Variants in CDH4 observed in about 807,000 individuals in gnomAD.
CDH4 encodes cadherin 4, also known as cadherin-4.
Under a neutral mutation model 86.0 loss-of-function variants are expected in CDH4, and 33 were observed. That is an observed-to-expected ratio of 0.38 (90% confidence interval 0.29 to 0.51). The LOEUF (loss-of-function observed/expected upper bound fraction) is 0.51, where lower values mean the gene tolerates loss of function less well. Among genes scored for constraint, CDH4 ranks in the 20% least tolerant of loss-of-function variants. The pLI is 0.86. For synonymous variants in CDH4, 555 were observed against 549.4 expected (o/e 1.01, Z -0.14); for missense variants, 1,114 against 1,307.4 (o/e 0.85, Z 2.28).
In CDH4 at chr20:61,500,283, G is replaced by T. The variant is rs552205824; in HGVS notation, c.170-243280G>T. Among the ~76,000 whole-genome samples, 27 of 152,350 alleles carry T rather than the reference G, an allele frequency of 1.8e-4. No individual in the cohort carries two copies. In the South Asian group the frequency reaches 5.4e-3, roughly 30 times the overall value. On this transcript the variant is annotated intron_variant, in intron 2 of 15. Transcript: ENST00000614565. Reference sequence around the variant, plus strand: ...GATGCACGGTGCTGATAAAGGATGGGCACCAAGGCAGCCACGTGCACAATG... The same window carrying T: ...GATGCACGGTGCTGATAAAGGATGGTCACCAAGGCAGCCACGTGCACAATG...
chr20:61,279,008 T>C (rs1199428201), intron 2 of CDH4, among the ~76,000 whole-genome samples: 1 of 152,214 alleles, frequency 6.6e-6, no homozygotes, highest in Non-Finnish European at 1.5e-5. Flanking sequence ...GGGACCAGCG[T>C]GCTGAGAGTG....
chr20:61,930,533 C>T (rs1463300407), intron 13 of CDH4, among the ~76,000 whole-genome samples: 9 of 152,142 alleles, frequency 5.9e-5, no homozygotes, highest in African/African-American at 1.7e-4. Flanking sequence ...TGGGCTACCA[C>T]CTCCCCAGTT....
chr20:61,929,663 A>C lies in CDH4; in HGVS notation c.2060A>C (p.Asp687Ala). The C allele has an allele frequency of 6.2e-7, 1 of 1,614,102 alleles. No individual in the cohort carries two copies. Among genetic ancestry groups the C allele is most frequent in the South Asian group, 1.1e-5 (1 of 91,078 alleles). ...CTGTACCTGGAGGCCGGGATGTATG[A>C]CGTCCCCATCATCGTCACAGACTCT... The part of the protein sequence containing the change: ...RILYLEAGMY[D>A]VPIIVTDSGN... The change falls in exon 13 of 16, where the codon GAC becomes GCC. Residue 687 changes from aspartate to alanine, a missense_variant. Asp to Ala is a moderately radical substitution (Grantham distance 126, BLOSUM62 -2). Coordinates refer to ENST00000614565, the MANE Select transcript of CDH4 (RefSeq NM_001794.5).
chr20:61,665,223 A>G (rs948922662), intron 2 of CDH4, among the ~76,000 whole-genome samples: 22 of 152,340 alleles, frequency 1.4e-4, no homozygotes, highest in African/African-American at 5.3e-4. Context: ...GGCGAGCACC[A>G]TGCTGGTGGG....
chr20:61,831,207 G>T (rs1981592025), intron 4 of CDH4, among the ~76,000 whole-genome samples: 1 of 152,206 alleles, frequency 6.6e-6, no homozygotes, highest in Non-Finnish European at 1.5e-5. Context: ...GACCACATCT[G>T]GCACTGGGAA....
Position 61,516,385 on chromosome 20 carries a change from G to A in CDH4, c.170-227178G>A, listed in dbSNP as rs140689093. ...GTCACACACATACAGAGCCCCCGTC[G>A]GACGCTGCATGAGCTCATGTGCATC... On this transcript the variant is annotated intron_variant, in intron 2 of 15. Transcript: ENST00000614565. This position sits in a 1 kb window ranked among gnomAD's most constrained non-coding sequence, Gnocchi z 4.0. Among the ~76,000 whole-genome samples, 104 of 152,230 alleles carry A rather than the reference G, an allele frequency of 6.8e-4. No homozygotes were observed. Among genetic ancestry groups the A allele is most frequent in the African/African-American group, 2.3e-3 (96 of 41,544 alleles).
intron 2 of CDH4, among the ~76,000 whole-genome samples, chr20:61,487,249 C>A (rs563011509): frequency 2.6e-5 from 4 of 152,002 alleles, no homozygotes; most frequent in Non-Finnish European, 5.9e-5. Flanking sequence ...ATCAGTTGAC[C>A]GTAGTTATGT....
At position 61,421,651 on chromosome 20, in the gene CDH4, A is replaced by G. The variant is rs186759021; in HGVS notation, c.169+166714A>G. Among the ~76,000 whole-genome samples the G allele has an allele frequency of 3.5e-3, 530 of 151,508 alleles. 5 individuals are homozygous for G. The Middle Eastern group carries it at 0.071, about 20-fold the overall frequency. On this transcript the variant is annotated intron_variant, in intron 2 of 15. Coordinates refer to ENST00000614565, the MANE Select transcript of CDH4 (RefSeq NM_001794.5). ...GTTTTCTCTGGAGATGTTATACTTC[A>G]AAAAAAAAGGAGGAACTGTGCTTCC...
intron 2 of CDH4, among the ~76,000 whole-genome samples, chr20:61,365,148 T>C (rs1458300668): frequency 3.3e-5 from 5 of 152,220 alleles, no homozygotes; most frequent in Admixed American, 2.6e-4. Context: ...TACTGTGTGC[T>C]TGGTAAGATC....
At chr20:61,644,580 AGAG>A (rs74871658) in intron 2 of CDH4, among the ~76,000 whole-genome samples, 28,495 of 152,032 alleles carry the variant, frequency 0.19, 2,751 homozygotes, top group South Asian at 0.28. Context: ...ATTACCAGCC[AGAG>A]GAGAAGCACA....
At chr20:61,387,809 C>T (rs1297095577) in intron 2 of CDH4, among the ~76,000 whole-genome samples, 1 of 152,218 alleles carries the variant, frequency 6.6e-6, no homozygotes, top group Non-Finnish European at 1.5e-5. Context: ...CAAGCCCGCA[C>T]CGGCCCGTGG....
At chr20:61,475,436 C>T (rs1324409883) in intron 2 of CDH4, among the ~76,000 whole-genome samples, 1 of 117,042 alleles carries the variant, frequency 8.5e-6, no homozygotes. Flanking sequence ...CCACTTTCTC[C>T]CCCATGGAAT....
chr20:61,604,896 A>G (rs1005225239), intron 2 of CDH4, among the ~76,000 whole-genome samples: 1 of 131,752 alleles, frequency 7.6e-6, no homozygotes, highest in African/African-American at 2.7e-5. Flanking sequence ...GGCTACAGGA[A>G]GAGAGAGGCC....
chr20:61,745,871 A>G (rs2088408059), intron 3 of CDH4, among the ~76,000 whole-genome samples: 1 of 152,148 alleles, frequency 6.6e-6, no homozygotes, highest in Non-Finnish European at 1.5e-5. Flanking sequence ...AAATATAATG[A>G]CACCTTTTCT....
At chr20:61,707,573 A>G (rs1452428061) in intron 2 of CDH4, among the ~76,000 whole-genome samples, 1 of 152,186 alleles carries the variant, frequency 6.6e-6, no homozygotes, top group Non-Finnish European at 1.5e-5. Context: ...TACCCCATAA[A>G]AAAGGGGAAA....
At chr20:61,444,295 T>TATATCTGTGTGTGTG (rs2085331531) in intron 2 of CDH4, among the ~76,000 whole-genome samples, 1 of 1,056 alleles carries the variant, frequency 9.5e-4, no homozygotes, top group Admixed American at 6.8e-3. Flanking sequence ...ATGTGTGGGT[T>TATATCTGTGTGTGTG]TCTTTGTGTA....
At chr20:61,579,780 G>T (rs981450449) in intron 2 of CDH4, among the ~76,000 whole-genome samples, 1 of 152,062 alleles carries the variant, frequency 6.6e-6, no homozygotes, top group African/African-American at 2.4e-5. Context: ...GATGACATTT[G>T]CCTCCCCACT....
At chr20:61,474,409 A>G (rs992501572) in intron 2 of CDH4, among the ~76,000 whole-genome samples, 17 of 149,586 alleles carry the variant, frequency 1.1e-4, no homozygotes, top group African/African-American at 4.2e-4. Flanking sequence ...TCCTGACCTC[A>G]GGCAATCCGC....
intron 2 of CDH4, among the ~76,000 whole-genome samples, chr20:61,461,762 C>T (rs1346574294): frequency 3.9e-5 from 6 of 152,198 alleles, no homozygotes; most frequent in East Asian, 3.9e-4. Context: ...CCAACGGAGA[C>T]GCATGATGTT....
Sources: allele counts gnomAD v4.1 joint callset (sites outside exome capture counted in the v4.1 genomes callset), GRCh38; gene constraint gnomAD v4.1.1; non-coding constraint Gnocchi (gnomAD v3.1); transcripts MANE v1.5; gene names NCBI Gene and HGNC (gene_info 2026-07-23, HGNC 2026-07-21).